The following GUCY1A2 variants were observed in gnomAD, a reference collection of about 807,000 sequenced individuals.
The protein encoded by GUCY1A2 is guanylate cyclase 1 soluble subunit alpha 2, also known as guanylate cyclase soluble subunit alpha-2.
In GUCY1A2, 27 loss-of-function variants were observed where a neutral mutation model predicts 63.5. The ratio of observed to expected loss-of-function variants is 0.43; its 90% CI spans 0.31 to 0.59. The LOEUF is 0.59. Among genes scored for constraint, GUCY1A2 ranks in the 20% least tolerant of loss-of-function variants. The pLI is 0.11. For missense variants in GUCY1A2, 768 were observed against 913.3 expected, an observed-to-expected ratio of 0.84 and a Z score of 2.05; for synonymous variants, 364 against 343.5, an observed-to-expected ratio of 1.06 and a Z score of -0.66.
At chr11:106,702,229 G>A (rs1862829418) in intron 7 of GUCY1A2, among the ~76,000 whole-genome samples, 1 of 152,208 alleles carries the variant, frequency 6.6e-6, no homozygotes, top group African/African-American at 2.4e-5. Context: ...TGAGATATTG[G>A]AGCTAAAAGA....
chr11:106,933,170 C>A (rs1451352432), intron 4 of GUCY1A2, among the ~76,000 whole-genome samples: 1 of 151,860 alleles, frequency 6.6e-6, no homozygotes, highest in African/African-American at 2.4e-5. Flanking sequence ...ACAGAGTAAA[C>A]AACCTAAAAA....
At chr11:106,764,758 C>G (rs1864129356) in intron 6 of GUCY1A2, among the ~76,000 whole-genome samples, 1 of 152,014 alleles carries the variant, frequency 6.6e-6, no homozygotes, top group African/African-American at 2.4e-5. Flanking sequence ...ATTAAGTACT[C>G]AGGTAATAAA....
chr11:106,741,007 A>G (rs12789163), intron 6 of GUCY1A2, among the ~76,000 whole-genome samples: 5,823 of 152,266 alleles, frequency 0.038, 139 homozygotes, highest in African/African-American at 0.06. Flanking sequence ...CTAGCTGCAC[A>G]GTCTTGGAGC....
At position 106,810,233 on chromosome 11, in the gene GUCY1A2, T is replaced by C. The variant is rs140112037; in HGVS notation, c.1452A>G (p.Glu484=). ...ATLERTHQAL[E]EEKKKTVDLL... ...GATCCACTGTCTTCTTTTTCTCTTC[T>C]TCCAGGGCCTGGTGAGTTCTTTCTA... The change falls in exon 5 of 8, where the codon GAA becomes GAG. Residue 484 remains glutamate (E), a synonymous_variant. Coordinates refer to ENST00000526355, the MANE Select transcript of GUCY1A2 (RefSeq NM_000855.3). The C allele has an allele frequency of 1.9e-6, 3 of 1,613,868 alleles. No individual in the cohort carries two copies. Among genetic ancestry groups the C allele is most frequent in the African/African-American group, 1.3e-5 (1 of 74,932 alleles).
intron 4 of GUCY1A2, among the ~76,000 whole-genome samples, chr11:106,895,272 C>T (rs190626849): frequency 2.6e-5 from 4 of 152,154 alleles, no homozygotes; most frequent in Admixed American, 2.6e-4. Context: ...ATGACCCAGG[C>T]CAGATGAGTT....
chr11:106,936,818 A>T (rs1488571990), intron 4 of GUCY1A2: 5 of 602,462 alleles, frequency 8.3e-6, no homozygotes, highest in African/African-American at 3.7e-5. Flanking sequence ...AGGAATAAAT[A>T]TAAATTATTT....
intron 1 of GUCY1A2, among the ~76,000 whole-genome samples, chr11:107,013,634 G>A (rs756555486): frequency 4.6e-5 from 7 of 151,998 alleles, no homozygotes; most frequent in African/African-American, 9.7e-5. Context: ...CACAACTTCC[G>A]CCTCCCGGGT....
At chr11:106,699,825 A>G (rs917647441) in intron 7 of GUCY1A2, among the ~76,000 whole-genome samples, 8 of 151,376 alleles carry the variant, frequency 5.3e-5, no homozygotes, top group African/African-American at 1.7e-4. Flanking sequence ...TCTGTCGCCC[A>G]GGCTGGAGTG....
intron 6 of GUCY1A2, among the ~76,000 whole-genome samples, chr11:106,745,681 T>C (rs1029683026): frequency 1.3e-5 from 2 of 152,244 alleles, no homozygotes; most frequent in African/African-American, 4.8e-5. Context: ...ATGTAATGAC[T>C]GTCCTAAGAT....
intron 1 of GUCY1A2, among the ~76,000 whole-genome samples, chr11:106,999,600 C>A (rs75221841): frequency 6.6e-6 from 1 of 152,070 alleles, no homozygotes; most frequent in Non-Finnish European, 1.5e-5. Flanking sequence ...TCCTTATTAG[C>A]GGATTCATAT....
chr11:106,780,426 A>C (rs1331992170), intron 5 of GUCY1A2, among the ~76,000 whole-genome samples: 1 of 152,186 alleles, frequency 6.6e-6, no homozygotes, highest in Non-Finnish European at 1.5e-5. Context: ...TGTATTTCTC[A>C]TTCATTCTAC....
At chr11:106,747,413 T>C (rs1863809301) in intron 6 of GUCY1A2, among the ~76,000 whole-genome samples, 1 of 152,228 alleles carries the variant, frequency 6.6e-6, no homozygotes, top group African/African-American at 2.4e-5. Flanking sequence ...AATTGTCATT[T>C]CACAAGACAC....
chr11:106,774,083 C>G (rs1363395679), intron 6 of GUCY1A2, among the ~76,000 whole-genome samples: 1 of 152,108 alleles, frequency 6.6e-6, no homozygotes, highest in South Asian at 2.1e-4. Flanking sequence ...CCAAGAGTCC[C>G]CCAAGCATTT....
At chr11:106,743,448 A>G (rs1014812178) in intron 6 of GUCY1A2, among the ~76,000 whole-genome samples, 1 of 152,164 alleles carries the variant, frequency 6.6e-6, no homozygotes, top group Non-Finnish European at 1.5e-5. Context: ...GTCACAGGCA[A>G]TTACCATGAA....
chr11:106,920,957 T>A (rs538441183), intron 4 of GUCY1A2, among the ~76,000 whole-genome samples: 15 of 152,222 alleles, frequency 9.9e-5, no homozygotes, highest in African/African-American at 3.6e-4. Flanking sequence ...TGAAATTGTC[T>A]CATTCAGAAT....
intron 6 of GUCY1A2, among the ~76,000 whole-genome samples, chr11:106,743,297 C>T (rs541957366): frequency 2.0e-5 from 3 of 152,212 alleles, no homozygotes; most frequent in East Asian, 1.9e-4. Flanking sequence ...AAAAAGGTCA[C>T]GAGTTCTCAG....
intron 6 of GUCY1A2, among the ~76,000 whole-genome samples, chr11:106,772,626 G>C (rs1013424195): frequency 6.6e-6 from 1 of 152,026 alleles, no homozygotes; most frequent in African/African-American, 2.4e-5. Flanking sequence ...TCATAAGAAA[G>C]AGCTAATATT....
rs149377003 is a variant in GUCY1A2, at chr11:106,774,139, AT to A, written c.1836+2299del. 1.2e-3 allele frequency among the ~76,000 whole-genome samples: 182 copies of A among 147,110 alleles called. 2 individuals carry two copies. Among genetic ancestry groups the A allele is most frequent in the Non-Finnish European group, 5.6e-4 (37 of 66,278 alleles). ...CACACCAATCAATGTCACTTTTATAATTTTTTTTTTTTGAGATGGAGTCTCG... is the reference window on the plus strand; with the variant it reads ...CACACCAATCAATGTCACTTTTATAATTTTTTTTTTTGAGATGGAGTCTCG... On this transcript the variant is annotated intron_variant, in intron 6 of 7. Transcript: ENST00000526355.
intron 4 of GUCY1A2, among the ~76,000 whole-genome samples, chr11:106,906,798 A>G (rs906082142): frequency 1.3e-5 from 2 of 152,188 alleles, no homozygotes; most frequent in African/African-American, 4.8e-5. Flanking sequence ...ACATGGATGA[A>G]GCTGGAAACC....
Sources: allele counts gnomAD v4.1 joint callset (sites outside exome capture counted in the v4.1 genomes callset), GRCh38; gene constraint gnomAD v4.1.1; transcripts MANE v1.5; gene names NCBI Gene and HGNC (gene_info 2026-07-23, HGNC 2026-07-21).